The following MALRD1 variants were observed in gnomAD, a reference collection of about 807,000 sequenced individuals.
MALRD1 encodes the protein MAM and LDL receptor class A domain containing 1, also known as MAM and LDL-receptor class A domain-containing protein 1.
In MALRD1, 247 loss-of-function variants were observed where a neutral mutation model predicts 242.1. The ratio of observed to expected loss-of-function variants is 1.02; its 90% CI spans 0.92 to 1.13. MALRD1 has a LOEUF of 1.13. MALRD1 is among the 50% of genes most tolerant of loss of function. The pLI, the probability that MALRD1 is intolerant of heterozygous loss-of-function variation, is 0.00. For synonymous variants in MALRD1, 995 were observed against 866.6 expected (o/e 1.15, Z -2.60); for missense variants, 2,989 against 2,533.1 (o/e 1.18, Z -3.86).
chr10:19,085,454 C>T (rs1835638004), intron 2 of MALRD1, among the ~76,000 whole-genome samples: 1 of 151,862 alleles, frequency 6.6e-6, no homozygotes, highest in Non-Finnish European at 1.5e-5. Flanking sequence ...ACAGATATTG[C>T]CACTGGGTGC....
chr10:19,734,148 C>G lies in MALRD1; in HGVS notation c.6391-9C>G. The G allele has an allele frequency of 1.3e-6, 2 of 1,526,292 alleles. No homozygotes were observed. The highest frequency in any genetic ancestry group is 1.7e-6 in the Non-Finnish European group (2 of 1,143,106). The allele number at this position is 1,526,292 out of a possible 1,614,324, so 94.5% of individuals were successfully genotyped here. ...ATTCCACCCTTTCAAATGTGTTTTTCTTCGTCAGAGTTCTGTCTATTCCTT... is the reference window on the plus strand; with the variant it reads ...ATTCCACCCTTTCAAATGTGTTTTTGTTCGTCAGAGTTCTGTCTATTCCTT... On this transcript the variant is annotated splice_polypyrimidine_tract_variant and intron_variant, in intron 39 of 39. Coordinates refer to ENST00000454679, the MANE Select transcript of MALRD1 (RefSeq NM_001142308.3).
At chr10:19,187,821 G>A (rs916730910) in intron 14 of MALRD1, among the ~76,000 whole-genome samples, 9 of 152,308 alleles carry the variant, frequency 5.9e-5, no homozygotes, top group Admixed American at 2.6e-4. Context: ...GGGTGGAGAG[G>A]TGGGTAGGTT....
At chr10:19,269,198 T>G (rs1487970512) in intron 19 of MALRD1, among the ~76,000 whole-genome samples, 2 of 152,232 alleles carry the variant, frequency 1.3e-5, no homozygotes, top group African/African-American at 4.8e-5. Flanking sequence ...CCACAATTCA[T>G]ATCTTGAAAC....
intron 21 of MALRD1, among the ~76,000 whole-genome samples, chr10:19,315,554 A>G (rs1251129784): frequency 3.7e-4 from 35 of 93,590 alleles, no homozygotes; most frequent in African/African-American, 1.5e-3. Context: ...AAAAATATAA[A>G]TATTATTTAT....
chr10:19,319,069 C>T (rs564425498), intron 21 of MALRD1, among the ~76,000 whole-genome samples: 2 of 151,868 alleles, frequency 1.3e-5, no homozygotes, highest in East Asian at 1.9e-4. Flanking sequence ...ATTCATTTAA[C>T]GTGATACAAA....
At chr10:19,513,725 C>CA (rs1833510306) in intron 31 of MALRD1, among the ~76,000 whole-genome samples, 1 of 149,514 alleles carries the variant, frequency 6.7e-6, no homozygotes, top group Admixed American at 6.7e-5. Context: ...GGTGAAAGAG[C>CA]AAGACTCCAT....
intron 5 of MALRD1, among the ~76,000 whole-genome samples, chr10:19,122,625 A>G (rs73591922): frequency 0.074 from 11,237 of 152,056 alleles, 495 homozygotes; most frequent in South Asian, 0.13. Context: ...ATTTAGGAAG[A>G]TCAGAGGGAG....
At chr10:19,640,639 GA>G in intron 36 of MALRD1, among the ~76,000 whole-genome samples, 1 of 152,154 alleles carries the variant, frequency 6.6e-6, no homozygotes, top group Admixed American at 6.5e-5. Context: ...GACTATTTTG[GA>G]AAATGTGGTA....
chr10:19,719,219 C>CATATATAT (rs1290415118), intron 38 of MALRD1, among the ~76,000 whole-genome samples: 18 of 30,330 alleles, frequency 5.9e-4, no homozygotes, highest in South Asian at 3.9e-3. Context: ...TATACACATA[C>CATATATAT]ATACATATAT....
intron 28 of MALRD1, among the ~76,000 whole-genome samples, chr10:19,444,207 C>T (rs1045171321): frequency 1.6e-4 from 24 of 152,040 alleles, no homozygotes; most frequent in Non-Finnish European, 2.4e-4. Context: ...TGTGTCTCTG[C>T]ACATAAGATG....
chr10:19,399,783 C>T (rs976834192), intron 28 of MALRD1, among the ~76,000 whole-genome samples: 19 of 152,104 alleles, frequency 1.2e-4, no homozygotes, highest in Admixed American at 3.3e-4. Flanking sequence ...TTTAGACTTA[C>T]ATTTTCTAGA....
Position 19,237,702 on chromosome 10 carries a change from TTA to T in MALRD1, c.2992-19972_2992-19971del, listed in dbSNP as rs1314473681. On this transcript the variant is annotated intron_variant, in intron 18 of 39. Coordinates refer to ENST00000454679, the MANE Select transcript of MALRD1 (RefSeq NM_001142308.3). ...ATATAATTTATATATAAATACATAA[TTA>T]TATATATATTTATATATAAATATAT... Among the ~76,000 whole-genome samples, 159 of 115,882 alleles carry T rather than the reference TTA, an allele frequency of 1.4e-3. 1 individual carries two copies. Among genetic ancestry groups the T allele is most frequent in the Middle Eastern group, 5.3e-3 (1 of 190 alleles). The allele number at this position is 115,882 out of a possible 152,430, so 76.0% of individuals were successfully genotyped here.
rs554646300 is a variant in MALRD1 at position 19,231,399 on chromosome 10, A to G, written c.2991+21719A>G. Among the ~76,000 whole-genome samples, 207 of 152,274 alleles carry G rather than the reference A, an allele frequency of 1.4e-3. 1 individual carries two copies. Among genetic ancestry groups the G allele is most frequent in the Middle Eastern group, 0.01 (3 of 294 alleles). ...CTTTACAGGGAATCTGGCCTCAGACAGGTTTTCATTAGGTTCTGGACATAA... is the reference window on the plus strand; with the variant it reads ...CTTTACAGGGAATCTGGCCTCAGACGGGTTTTCATTAGGTTCTGGACATAA... On this transcript the variant is annotated intron_variant, in intron 18 of 39. Transcript: ENST00000454679.
chr10:19,138,750 C>T (rs980204311), intron 10 of MALRD1, among the ~76,000 whole-genome samples: 42 of 152,046 alleles, frequency 2.8e-4, no homozygotes, highest in African/African-American at 9.9e-4. Flanking sequence ...AGCTTTTTCC[C>T]CTCCATTGTA....
intron 11 of MALRD1, among the ~76,000 whole-genome samples, chr10:19,152,022 C>T (rs1833962467): frequency 6.6e-6 from 1 of 152,074 alleles, no homozygotes; most frequent in African/African-American, 2.4e-5. Context: ...ACCTGTTTTG[C>T]AGAAGGTGAG....
chr10:19,353,619 A>G (rs1349532545), intron 26 of MALRD1, among the ~76,000 whole-genome samples: 1 of 152,190 alleles, frequency 6.6e-6, no homozygotes, highest in African/African-American at 2.4e-5. Flanking sequence ...AGTATAGAGG[A>G]AAGCAAATAA....
intron 12 of MALRD1, among the ~76,000 whole-genome samples, chr10:19,159,340 C>G (rs1215348397): frequency 6.6e-6 from 1 of 151,646 alleles, no homozygotes; most frequent in Non-Finnish European, 1.5e-5. Flanking sequence ...TTTTTCTTTT[C>G]TCCCATTTAT....
At chr10:19,651,329 A>G (rs1840877398) in intron 36 of MALRD1, among the ~76,000 whole-genome samples, 1 of 152,206 alleles carries the variant, frequency 6.6e-6, no homozygotes, top group Admixed American at 6.5e-5. Context: ...AGAAAAGTTA[A>G]TGTTTCTTTC....
Position 19,312,345 on chromosome 10 carries a change from A to G in MALRD1, c.3420-11604A>G, listed in dbSNP as rs79437960. 8.4e-4 allele frequency among the ~76,000 whole-genome samples: 124 copies of G among 146,912 alleles called. 1 individual carries two copies. The highest frequency in any genetic ancestry group is 2.9e-3 in the African/African-American group (117 of 39,878). On this transcript the variant is annotated intron_variant, in intron 21 of 39. Transcript: ENST00000454679. ...AGCTATTTTTATGCTCTATTAATTAACCTCTGGTTCAGTACAGGGCACAGA... is the reference window on the plus strand; with the variant it reads ...AGCTATTTTTATGCTCTATTAATTAGCCTCTGGTTCAGTACAGGGCACAGA...
Sources: allele counts gnomAD v4.1 joint callset (sites outside exome capture counted in the v4.1 genomes callset), GRCh38; gene constraint gnomAD v4.1.1; transcripts MANE v1.5; gene names NCBI Gene and HGNC (gene_info 2026-07-23, HGNC 2026-07-21).